UBXN6: variants seen among roughly 807,000 people sequenced by gnomAD.
UBXN6 encodes UBX domain protein 6.
UBXN6 carries 44 observed loss-of-function variants against 51.4 expected under a neutral mutation model. That is an observed-to-expected ratio of 0.86 (90% CI 0.67 to 1.10). The LOEUF (loss-of-function observed/expected upper bound fraction) is 1.10, where lower values mean the gene tolerates loss of function less well. Ranked by LOEUF, UBXN6 falls within the 50% of genes least tolerant of loss-of-function variation. UBXN6 has a pLI of 0.00. For missense variants in UBXN6, 672 were observed against 596.1 expected (o/e 1.13, Z -1.32); for synonymous variants, 316 against 263.2 (o/e 1.20, Z -1.94).
At chr19:4,452,332 GT>G in intron 4 of UBXN6, 31 bp downstream of exon 4, 1 of 1,607,988 alleles carries the variant, frequency 6.2e-7, no homozygotes, top group Non-Finnish European at 8.5e-7. Flanking sequence ...GAAGCTACAG[GT>G]TGGGGCAGGA....
intron 2 of UBXN6, 21 bp downstream of exon 2, chr19:4,453,909 C>T (rs903247409): frequency 6.9e-6 from 11 of 1,604,156 alleles, no homozygotes; most frequent in Non-Finnish European, 9.3e-6. Flanking sequence ...CAACCTGGGC[C>T]CGAGGAGGGC....
intron 10 of UBXN6, chr19:4,445,845 A>G: frequency 3.8e-6 from 4 of 1,047,878 alleles, no homozygotes; most frequent in Non-Finnish European, 5.4e-6. Flanking sequence ...CTCCCATTTG[A>G]TGGGGAAACT....
chr19:4,446,771 C>G, intron 7 of UBXN6, 52 bp from the exon 8 acceptor site: 1 of 1,612,240 alleles, frequency 6.2e-7, no homozygotes, highest in Non-Finnish European at 8.5e-7. Flanking sequence ...GACCCCCAAG[C>G]CGGGCCCTCC....
rs774841586 is a variant in UBXN6 at position 4,453,970 on chromosome 19, C to G, written c.207G>C (p.Arg69=). 5.0e-6 allele frequency: 8 copies of G among 1,611,120 alleles called. No homozygotes were observed. In the Admixed American group the frequency reaches 6.7e-5, roughly 13 times the overall value. The part of the protein sequence containing the change: ...ALARLEQKQS[R]AWGPTSQDTI... The stretch of plus-strand genomic sequence containing the variant: ...TGTCCTGCGATGTGGGGCCCCAGGC[C>G]CGGGACTGCTTCTGCTCCAGCCGGG... The change falls in exon 2 of 11, where the codon CGG becomes CGC. Residue 69 remains arginine, a synonymous_variant. Coordinates refer to ENST00000301281, the MANE Select transcript of UBXN6 (RefSeq NM_025241.3).
At chr19:4,450,509 A>G (rs1375164239) in intron 4 of UBXN6, 6 of 152,122 alleles carry the variant, frequency 3.9e-5, no homozygotes, top group Non-Finnish European at 1.5e-5. Flanking sequence ...CTGTAATCCC[A>G]GCACTTTGGG....
At chr19:4,456,226 CCACT>C (rs981464387) in intron 1 of UBXN6, among the ~76,000 whole-genome samples, 6 of 151,342 alleles carry the variant, frequency 4.0e-5, no homozygotes, top group Non-Finnish European at 8.9e-5. Context: ...CACCCCCCAC[CCACT>C]ATTGGTTGAA....
rs367564505 is a variant in UBXN6, at chr19:4,446,752, C to T, written c.701-33G>A. On this transcript the variant is annotated intron_variant, in intron 7 of 10. Transcript: ENST00000301281. ...GTGGCAGGACATGGGTGTCACTGTG[C>T]AATGGAGAGACCCCCAAGCCGGGCC... The T allele has an allele frequency of 2.6e-5, 42 of 1,610,710 alleles. No individual in the cohort carries two copies. The African/African-American group carries it at 4.8e-4, about 18-fold the overall frequency.
chr19:4,452,220 TG>T (rs2145184968), intron 4 of UBXN6, 143 bp downstream of exon 4: 2 of 1,149,882 alleles, frequency 1.7e-6, no homozygotes, highest in African/African-American at 1.5e-5. Context: ...TGCCTGGATT[TG>T]GGGTATCAGA....
chr19:4,457,746 G>T lies in UBXN6; in HGVS notation c.-49C>A. On this transcript the variant is annotated 5_prime_UTR_variant, in exon 1 of 11. Transcript: ENST00000301281. The stretch of plus-strand genomic sequence containing the variant: ...GGGGCCGCGGGGGCGGGGGGGCACG[G>T]GGCCCAGTCGGGGACGGGGCCGCCG... 8.2e-7 allele frequency: 1 copy of T among 1,225,308 alleles called. No homozygotes were observed. Among genetic ancestry groups the T allele is most frequent in the Admixed American group, 2.9e-5 (1 of 34,866 alleles). 75.9% of individuals were successfully genotyped at this position (1,225,308 alleles called of 1,614,324 possible). A position where few individuals can be genotyped will look rare whatever the true frequency, so the allele number is the denominator to read the frequency against.
At position 4,445,561 on chromosome 19, in the gene UBXN6, C is replaced by T. The variant is rs760432660; in HGVS notation, c.1263G>A (p.Ala421=). ...TCAGGATGGAGTCCGGCTCGGCCCC[C>T]GCGGCCTTGATGTCCTCCAGCACAG... ...DMAVLEDIKA[A]GAEPDSILKP... Residue 421 remains alanine, a synonymous_variant, in exon 11 of 11, where the codon GCG becomes GCA. Coordinates refer to ENST00000301281, the MANE Select transcript of UBXN6 (RefSeq NM_025241.3). 32 of 1,613,726 alleles carry T rather than the reference C, an allele frequency of 2.0e-5. No homozygotes were observed. Among genetic ancestry groups the T allele is most frequent in the African/African-American group, 6.7e-5 (5 of 74,934 alleles).
At position 4,445,300 on chromosome 19, in the gene UBXN6, C is replaced by T. The variant is rs574873146; in HGVS notation, c.*198G>A. The T allele has an allele frequency of 1.1e-4, 94 of 850,142 alleles. 1 individual carries two copies. The highest frequency in any genetic ancestry group is 4.1e-4 in the Admixed American group (16 of 38,888). The allele number at this position is 850,142 out of a possible 1,614,324, so 52.7% of individuals were successfully genotyped here. A position where few individuals can be genotyped will look rare whatever the true frequency, so the allele number is the denominator to read the frequency against. On this transcript the variant is annotated 3_prime_UTR_variant, in exon 11 of 11. Coordinates refer to ENST00000301281, the MANE Select transcript of UBXN6 (RefSeq NM_025241.3). ...CAGGCCTCTCCCTCGGGGGCTTGGG[C>T]GCATCCCCACAGCCCCCAAGGGATG...
At chr19:4,453,802 T>G in intron 2 of UBXN6, 128 bp downstream of exon 2, 23 of 1,385,100 alleles carry the variant, frequency 1.7e-5, no homozygotes, top group Non-Finnish European at 2.2e-5. Flanking sequence ...CTGCCCTTGA[T>G]GAGCCGCTCC....
rs1384289891 is a variant in UBXN6, at chr19:4,448,433, G to A, written c.442-18C>T. 3 of 1,592,404 alleles carry A rather than the reference G, an allele frequency of 1.9e-6. No individual in the cohort carries two copies. The highest frequency in any genetic ancestry group is 2.7e-5 in the African/African-American group (2 of 74,356). ...GAGAAGTGCTGGGAGGAGGGAAGCA[G>A]GGAAAGCCACTCACTGAGAGCCCGG... is the stretch of plus-strand genomic sequence containing the variant. On this transcript the variant is annotated intron_variant, in intron 4 of 10. Transcript: ENST00000301281.
At position 4,446,301 on chromosome 19, in the gene UBXN6, CG is replaced by C; in HGVS notation, c.1032del (p.Asp345MetfsTer51). 1.3e-6 allele frequency: 2 copies of C among 1,571,140 alleles called. No individual in the cohort carries two copies. The highest frequency in any genetic ancestry group is 8.6e-7 in the Non-Finnish European group (1 of 1,163,298). ...TGCCCACCCTGCAGGAGGCAGCCAT[CG>C]GGGAGGCGCACGCGCAGCAGCGTGT... ...YNYTLLRVRL[P>X]DGCLLQGTFY... is the part of the protein sequence containing the mutation. On this transcript the variant is annotated frameshift_variant, in exon 9 of 11. Transcript: ENST00000301281. LOFTEE classifies it high-confidence loss of function.
intron 1 of UBXN6, chr19:4,455,300 C>CT (rs1175485459): frequency 1.0e-6 from 1 of 985,574 alleles, no homozygotes; most frequent in African/African-American, 1.7e-5. Flanking sequence ...CTATACTCCT[C>CT]TGGCTCTGCT....
chr19:4,454,357 C>T (rs886362386), intron 1 of UBXN6, among the ~76,000 whole-genome samples: 1 of 152,212 alleles, frequency 6.6e-6, no homozygotes, highest in Non-Finnish European at 1.5e-5. Flanking sequence ...CACTGGCCCT[C>T]AGCGTCCTCA....
chr19:4,447,846 C>A, intron 5 of UBXN6: 1 of 575,262 alleles, frequency 1.7e-6, no homozygotes, highest in Non-Finnish European at 3.1e-6. Context: ...CCCCACGGAA[C>A]CCCTCACCGT....
intron 2 of UBXN6, 127 bp downstream of exon 2, chr19:4,453,803 G>T: frequency 7.2e-7 from 1 of 1,382,406 alleles, no homozygotes; most frequent in Non-Finnish European, 9.8e-7. Context: ...TGCCCTTGAT[G>T]AGCCGCTCCC....
rs1048806686 is a variant in UBXN6, at chr19:4,446,711, C to T, written c.709G>A (p.Glu237Lys). The T allele has an allele frequency of 7.9e-5, 127 of 1,608,626 alleles. No individual in the cohort carries two copies. Among genetic ancestry groups the T allele is most frequent in the Non-Finnish European group, 1.0e-4 (119 of 1,176,746 alleles). Residue 237 changes from glutamate (E) to lysine (K), a missense_variant, in exon 8 of 11, where the codon GAG becomes AAG. Coordinates refer to ENST00000301281, the MANE Select transcript of UBXN6 (RefSeq NM_025241.3). ...GTCTCGCTCAGCACGTAGAACTCCTCGGGGTCCTCTACAGCGTGGCAGGAC... is the reference window on the plus strand; with the variant it reads ...GTCTCGCTCAGCACGTAGAACTCCTTGGGGTCCTCTACAGCGTGGCAGGAC... ...LLPAQDQEDP[E>K]EFYVLSETTL...
Sources: gnomAD v4.1 joint callset for allele counts (sites outside exome capture counted in the v4.1 genomes callset) on GRCh38, gnomAD v4.1.1 for gene constraint, MANE v1.5 for transcripts, NCBI Gene and HGNC (gene_info 2026-07-23, HGNC 2026-07-21) for gene names.